The following HECA variants were observed in gnomAD, a reference collection of about 807,000 sequenced individuals.
HECA encodes HECA ribonucleoprotein granule regulator, also known as headcase protein homolog.
Under a neutral mutation model 37.6 loss-of-function variants are expected in HECA, and 13 were observed. The observed-to-expected ratio is 0.35, with a 90% CI of 0.23 to 0.55. The LOEUF is 0.55. HECA is among the 20% of genes least tolerant of loss of function. The pLI is 0.90. For missense variants in HECA, 527 were observed against 701.9 expected (o/e 0.75, Z 2.82); for synonymous variants, 307 against 291.5 (o/e 1.05, Z -0.54).
Position 139,180,498 on chromosome 6 carries a change from T to C in HECA, c.*3393T>C, listed in dbSNP as rs372865426. On this transcript the variant is annotated 3_prime_UTR_variant, in exon 4 of 4. Transcript: ENST00000367658. ...GGAGAAAGTGTTCTTGTTTAGTGTT[T>C]TATTTCCTATAATAGGATGCTGCCT... 6.6e-6 allele frequency: 1 copy of C among 152,644 alleles called. No homozygotes were observed. 9.5% of individuals were successfully genotyped at this position (152,644 alleles called of 1,614,324 possible).
intron 1 of HECA, among the ~76,000 whole-genome samples, chr6:139,141,776 CAG>C (rs1260036606): frequency 7.1e-6 from 1 of 140,210 alleles, no homozygotes; most frequent in Admixed American, 7.4e-5. Flanking sequence ...TTTTTTGAGA[CAG>C]AGTCTCACTA....
chr6:139,135,359 G>A lies in HECA; in HGVS notation c.-38G>A, dbSNP rs865877340. 1 of 1,299,914 alleles carries A rather than the reference G, an allele frequency of 7.7e-7. No individual in the cohort carries two copies. Among genetic ancestry groups the A allele is most frequent in the Admixed American group, 3.0e-5 (1 of 33,762 alleles). The allele number at this position is 1,299,914 out of a possible 1,614,324, so 80.5% of individuals were successfully genotyped here. ...GGCCGTGCCTCTGGGATCCGCCTTC[G>A]CTGACGCCGGGCACCTACCTGGACG... On this transcript the variant is annotated 5_prime_UTR_variant, in exon 1 of 4. Transcript: ENST00000367658.
chr6:139,136,339 A>G (rs1774436314), intron 1 of HECA, among the ~76,000 whole-genome samples: 1 of 151,834 alleles, frequency 6.6e-6, no homozygotes, highest in Non-Finnish European at 1.5e-5. Flanking sequence ...TAACATTTTC[A>G]GAAGGAAGCC....
intron 1 of HECA, among the ~76,000 whole-genome samples, chr6:139,162,218 G>C (rs1774815038): frequency 1.3e-5 from 2 of 152,146 alleles, no homozygotes; most frequent in Non-Finnish European, 2.9e-5. Context: ...CCATCAGGGA[G>C]GGGAGGAGAA....
At chr6:139,157,891 A>G (rs1328820341) in intron 1 of HECA, among the ~76,000 whole-genome samples, 1 of 152,128 alleles carries the variant, frequency 6.6e-6, no homozygotes, top group African/African-American at 2.4e-5. Context: ...ATATAATAAC[A>G]CTGAAGTGCC....
At chr6:139,136,869 C>T (rs1246216000) in intron 1 of HECA, among the ~76,000 whole-genome samples, 1 of 152,004 alleles carries the variant, frequency 6.6e-6, no homozygotes, top group Admixed American at 6.5e-5. Context: ...CTCCTGACCT[C>T]GTGATCCGCC....
chr6:139,135,627 G>A lies in HECA; in HGVS notation c.231G>A (p.Ala77=). ...GGAGTGAANA[A]AAAGAAAAGD... ...CGGGGACTGGCGCCGCGAACGCTGCGGCCGCCGCGGGGGCTGCGGCCGCGG... is the reference window on the plus strand; with the variant it reads ...CGGGGACTGGCGCCGCGAACGCTGCAGCCGCCGCGGGGGCTGCGGCCGCGG... Residue 77 remains alanine (A), a synonymous_variant, in exon 1 of 4, where the codon GCG becomes GCA. Coordinates refer to ENST00000367658, the MANE Select transcript of HECA (RefSeq NM_016217.3). The A allele has an allele frequency of 1.0e-6, 1 of 967,016 alleles. No individual in the cohort carries two copies. Among genetic ancestry groups the A allele is most frequent in the Non-Finnish European group, 1.2e-6 (1 of 815,362 alleles). 59.9% of individuals were successfully genotyped at this position (967,016 alleles called of 1,614,324 possible). A position where few individuals can be genotyped will look rare whatever the true frequency, so the allele number is the denominator to read the frequency against.
chr6:139,158,579 G>A (rs1774749540), intron 1 of HECA, among the ~76,000 whole-genome samples: 1 of 151,448 alleles, frequency 6.6e-6, no homozygotes, highest in South Asian at 2.1e-4. Flanking sequence ...GCTGAGGTGG[G>A]AGGATGGCTT....
chr6:139,164,742 C>T (rs1286204344), intron 1 of HECA, among the ~76,000 whole-genome samples: 1 of 152,068 alleles, frequency 6.6e-6, no homozygotes. Flanking sequence ...GTGTGACTCC[C>T]TGAAGCACCC....
intron 3 of HECA, among the ~76,000 whole-genome samples, chr6:139,174,835 G>A (rs1229270825): frequency 1.3e-5 from 2 of 152,094 alleles, no homozygotes; most frequent in Non-Finnish European, 2.9e-5. Flanking sequence ...AAAGGGAATT[G>A]CTAACCTGTT....
intron 1 of HECA, among the ~76,000 whole-genome samples, chr6:139,164,839 T>G (rs1484194629): frequency 2.0e-5 from 3 of 149,364 alleles, no homozygotes; most frequent in Non-Finnish European, 4.5e-5. Flanking sequence ...TTTGGGCCTG[T>G]GGCAACAGGT....
chr6:139,173,870 T>C (rs1287885431), intron 2 of HECA, among the ~76,000 whole-genome samples: 3 of 152,220 alleles, frequency 2.0e-5, no homozygotes, highest in Non-Finnish European at 2.9e-5. Flanking sequence ...GCTGAGCATT[T>C]TGAGGACAAG....
chr6:139,136,913 C>T lies in HECA; in HGVS notation c.271+1246C>T, dbSNP rs1326949285. Among the ~76,000 whole-genome samples, 7 of 152,214 alleles carry T rather than the reference C, an allele frequency of 4.6e-5. 1 individual carries two copies. The highest frequency in any genetic ancestry group is 1.4e-4 in the African/African-American group (6 of 41,502). ...CCTCCCAAAGTGCTGAGATTACAGG[C>T]GTGAGTCACCACGCCCAGCCAGATC... On this transcript the variant is annotated intron_variant, in intron 1 of 3. Coordinates refer to ENST00000367658, the MANE Select transcript of HECA (RefSeq NM_016217.3).
intron 1 of HECA, among the ~76,000 whole-genome samples, chr6:139,160,954 C>CA (rs1774791813): frequency 6.6e-6 from 1 of 152,160 alleles, no homozygotes; most frequent in African/African-American, 2.4e-5. Flanking sequence ...TGCTCAATGT[C>CA]AAACAACTAA....
At chr6:139,167,416 C>A in intron 2 of HECA, 92 bp downstream of exon 2, 1 of 1,113,418 alleles carries the variant, frequency 9.0e-7, no homozygotes, top group East Asian at 2.4e-5. Flanking sequence ...TAGTTTTCAC[C>A]AGTGTTGTTT....
At chr6:139,175,098 G>C (rs1182547412) in intron 3 of HECA, among the ~76,000 whole-genome samples, 1 of 152,158 alleles carries the variant, frequency 6.6e-6, no homozygotes, top group Non-Finnish European at 1.5e-5. Flanking sequence ...CTAAAAGGAG[G>C]CATTGTCTCA....
chr6:139,178,379 AT>A lies in HECA; in HGVS notation c.*1276del, dbSNP rs1327663531. On this transcript the variant is annotated 3_prime_UTR_variant, in exon 4 of 4. Transcript: ENST00000367658. ...AGAATTGGAATATGATTTCTCAAAA[AT>A]TAATTTGATAATTTCATGTATGATG... The A allele has an allele frequency of 1.3e-5, 2 of 152,204 alleles. No homozygotes were observed. Among genetic ancestry groups the A allele is most frequent in the East Asian group, 3.8e-4 (2 of 5,200 alleles). 9.4% of individuals were successfully genotyped at this position (152,204 alleles called of 1,614,324 possible). A position where few individuals can be genotyped will look rare whatever the true frequency, so the allele number is the denominator to read the frequency against.
At chr6:139,155,819 T>C (rs543886749) in intron 1 of HECA, 1 of 152,332 alleles carries the variant, frequency 6.6e-6, no homozygotes, top group South Asian at 2.1e-4. Flanking sequence ...GATCCCATTA[T>C]ATGCAAATTG....
intron 2 of HECA, chr6:139,169,472 G>A (rs572722643): frequency 9.9e-5 from 15 of 152,276 alleles, no homozygotes; most frequent in African/African-American, 3.6e-4. Context: ...ACCTTTGTGA[G>A]CAAGGAAAGG....
Sources: gnomAD v4.1 joint callset for allele counts (sites outside exome capture counted in the v4.1 genomes callset) on GRCh38, gnomAD v4.1.1 for gene constraint, MANE v1.5 for transcripts, NCBI Gene and HGNC (gene_info 2026-07-23, HGNC 2026-07-21) for gene names.